Variants in ZNF829 observed in about 807,000 individuals in gnomAD.
ZNF829 encodes the protein zinc finger protein 829.
In ZNF829, 25 loss-of-function variants were observed where a neutral mutation model predicts 35.2. The observed-to-expected ratio is 0.71, with a 90% CI of 0.52 to 0.99. The LOEUF (loss-of-function observed/expected upper bound fraction) is 0.99. ZNF829 is among the 50% of genes least tolerant of loss of function. ZNF829 has a pLI of 0.00. For synonymous variants in ZNF829, 136 were observed against 163.2 expected (o/e 0.83, Z 1.27); for missense variants, 417 against 515.3 (o/e 0.81, Z 1.85).
chr19:36,909,186 C>G (rs1462133499), intron 3 of ZNF829, among the ~76,000 whole-genome samples: 1 of 152,092 alleles, frequency 6.6e-6, no homozygotes, highest in Admixed American at 6.5e-5. Context: ...CATCATCCGG[C>G]AGCAGACTGA....
In ZNF829 at chr19:36,891,867, G is replaced by A; in HGVS notation, c.924C>T (p.His308=). The A allele has an allele frequency of 6.2e-7, 1 of 1,614,016 alleles. No homozygotes were observed. Among genetic ancestry groups the A allele is most frequent in the Non-Finnish European group, 8.5e-7 (1 of 1,179,976 alleles). Reference sequence around the variant, plus strand: ...TTCTCTGATGCTGAATAAGCCTTGAGTGTTGAGTAAAGGCTTTCCCACATT... The same window carrying A: ...TTCTCTGATGCTGAATAAGCCTTGAATGTTGAGTAAAGGCTTTCCCACATT... ...CKECGKAFTQ[H]SRLIQHQRMH... The change falls in exon 6 of 6, where the codon CAC becomes CAT. Residue 308 remains histidine (H), a synonymous_variant. Coordinates refer to ENST00000391711, the MANE Select transcript of ZNF829 (RefSeq NM_001037232.4).
At chr19:36,909,222 AGTGAG>A (rs1425331584) in intron 3 of ZNF829, among the ~76,000 whole-genome samples, 1 of 152,208 alleles carries the variant, frequency 6.6e-6, no homozygotes, top group Non-Finnish European at 1.5e-5. Flanking sequence ...GAACAGAAGA[AGTGAG>A]GACTATAGGA....
rs370190247 is a variant in ZNF829, at chr19:36,891,616, C to A, written c.1175G>T (p.Gly392Val). 6 of 1,613,094 alleles carry A rather than the reference C, an allele frequency of 3.7e-6. No individual in the cohort carries two copies. In the African/African-American group the frequency reaches 8.0e-5, roughly 22 times the overall value. The change falls in exon 6 of 6, where the codon GGC becomes GTC. Residue 392 changes from glycine to valine, a missense_variant. By Grantham distance (109) the Gly-to-Val change is moderately radical. Coordinates refer to ENST00000391711, the MANE Select transcript of ZNF829 (RefSeq NM_001037232.4). ...CNECGKAFNK[G>V]SNLTRHQRIH... is the part of the protein sequence containing the mutation. The stretch of plus-strand genomic sequence containing the variant: ...TCTCTGATGTCGAGTAAGATTTGAG[C>A]CTTTATTAAAGGCCTTCCCACATTC...
At chr19:36,900,145 A>AAAACACACACAC (rs1489365490) in intron 5 of ZNF829, among the ~76,000 whole-genome samples, 1 of 120,446 alleles carries the variant, frequency 8.3e-6, no homozygotes, top group African/African-American at 3.3e-5. Context: ...GTCTCTACTA[A>AAAACACACACAC]ACACACACAC....
chr19:36,891,514 T>C lies in ZNF829; in HGVS notation c.1277A>G (p.His426Arg), dbSNP rs774705661. 3.8e-6 allele frequency: 6 copies of C among 1,569,370 alleles called. No individual in the cohort carries two copies. The highest frequency in any genetic ancestry group is 2.0e-5 in the Admixed American group (1 of 50,710). ...CATTCAACCAGTATGAATTCCCTCA[T>C]GGCGAATGAGGTCAGAGCGACTACC... Reference protein sequence around the residue: ...AFGSRSDLIRHEGIHTG With the variant: ...AFGSRSDLIRREGIHTG Residue 426 changes from histidine to arginine, a missense_variant, in exon 6 of 6, where the codon CAT becomes CGT. Transcript: ENST00000391711.
intron 3 of ZNF829, among the ~76,000 whole-genome samples, chr19:36,909,427 T>A (rs985282821): frequency 6.6e-6 from 1 of 152,122 alleles, no homozygotes; most frequent in Non-Finnish European, 1.5e-5. Flanking sequence ...CAGAATCTGG[T>A]GTTTTACTTG....
Position 36,908,374 on chromosome 19 carries a change from T to C in ZNF829, c.182A>G (p.Lys61Arg). ...CLDADQMNLY[K>R]EVMLENFSNL... ...GCTGAAATTCTCCAACATCACTTCTTTGTATAAATTCATCTGATCAGCGTC... is the reference window on the plus strand; with the variant it reads ...GCTGAAATTCTCCAACATCACTTCTCTGTATAAATTCATCTGATCAGCGTC... Residue 61 changes from lysine to arginine, a missense_variant, in exon 4 of 6, where the codon AAA (lysine) becomes AGA (arginine). Physicochemically the swap from Lys to Arg is conservative, Grantham distance 26. Transcript: ENST00000391711. 1 of 1,613,762 alleles carries C rather than the reference T, an allele frequency of 6.2e-7. No individual in the cohort carries two copies. Among genetic ancestry groups the C allele is most frequent in the African/African-American group, 1.3e-5 (1 of 75,024 alleles).
chr19:36,895,776 T>C (rs2073106114), intron 5 of ZNF829, among the ~76,000 whole-genome samples: 3 of 152,168 alleles, frequency 2.0e-5, no homozygotes, highest in African/African-American at 7.2e-5. Flanking sequence ...TATATAATGA[T>C]AAATGGGTCA....
intron 3 of ZNF829, among the ~76,000 whole-genome samples, chr19:36,910,876 G>A (rs970987426): frequency 3.3e-5 from 5 of 151,968 alleles, no homozygotes; most frequent in African/African-American, 9.7e-5. Flanking sequence ...GTGTCGTGGC[G>A]CATGCCTGTA....
intron 2 of ZNF829, 51 bp from the exon 3 acceptor site, chr19:36,915,073 T>G: frequency 4.3e-6 from 7 of 1,613,826 alleles, no homozygotes; most frequent in Non-Finnish European, 5.9e-6. Context: ...AGACACCAGG[T>G]TTTTCTTGGT....
chr19:36,891,854 G>C lies in ZNF829; in HGVS notation c.937C>G (p.Gln313Glu). The stretch of plus-strand genomic sequence containing the variant: ...TCACCAGTATGCATTCTCTGATGCT[G>C]AATAAGCCTTGAGTGTTGAGTAAAG... The part of the protein sequence containing the change: ...KAFTQHSRLI[Q>E]HQRMHTGEKP... The change falls in exon 6 of 6, where the codon CAG becomes GAG. Residue 313 changes from glutamine to glutamate, a missense_variant. Gln to Glu is a conservative substitution (Grantham distance 29). Coordinates refer to ENST00000391711, the MANE Select transcript of ZNF829 (RefSeq NM_001037232.4). 1 of 1,614,078 alleles carries C rather than the reference G, an allele frequency of 6.2e-7. No homozygotes were observed. Among genetic ancestry groups the C allele is most frequent in the Non-Finnish European group, 8.5e-7 (1 of 1,179,998 alleles).
At chr19:36,912,656 T>G (rs2073273483) in intron 3 of ZNF829, 1 of 152,222 alleles carries the variant, frequency 6.6e-6, no homozygotes, top group Non-Finnish European at 1.5e-5. Flanking sequence ...AAATATTTCC[T>G]GATTAAACAT....
In ZNF829 at chr19:36,892,345, G is replaced by GT; in HGVS notation, c.445dup (p.Thr149AsnfsTer4). ...TTCCCATGGTTTCTCTTCACTCATA[G>GT]TTTTTTGAGGTGGAATAAGAAATGT... On this transcript the variant is annotated frameshift_variant, in exon 6 of 6. Coordinates refer to ENST00000391711, the MANE Select transcript of ZNF829 (RefSeq NM_001037232.4). LOFTEE classifies it high-confidence loss of function. The GT allele has an allele frequency of 6.2e-7, 1 of 1,613,684 alleles. No homozygotes were observed. Among genetic ancestry groups the GT allele is most frequent in the Non-Finnish European group, 8.5e-7 (1 of 1,179,954 alleles).
chr19:36,907,087 C>CAAAAAAAAAAAAAA (rs1158970593), intron 5 of ZNF829: 1 of 23,724 alleles, frequency 4.2e-5, no homozygotes, highest in African/African-American at 1.7e-4. Flanking sequence ...GACTCCATCT[C>CAAAAAAAAAAAAAA]AAAAAAAAAA....
chr19:36,908,145 G>T, intron 4 of ZNF829, 121 bp from the exon 5 acceptor site: 1 of 1,175,168 alleles, frequency 8.5e-7, no homozygotes, highest in Non-Finnish European at 1.2e-6. Flanking sequence ...AGATGGAGAA[G>T]ATGAAGCTTC....
intron 5 of ZNF829, chr19:36,902,083 C>CA: frequency 2.5e-6 from 1 of 405,760 alleles, no homozygotes; most frequent in Non-Finnish European, 4.6e-6. Context: ...TTACCACTTT[C>CA]AAAAATCTAC....
chr19:36,891,665 C>T lies in ZNF829; in HGVS notation c.1126G>A (p.Asp376Asn). 1.2e-6 allele frequency: 2 copies of T among 1,613,276 alleles called. No individual in the cohort carries two copies. The highest frequency in any genetic ancestry group is 2.2e-5 in the South Asian group (2 of 90,998). Reference protein sequence around the residue: ...ELIQHQRIHTDEKPYECNECG... With the variant: ...ELIQHQRIHTNEKPYECNECG... ...TCATTACATTCATATGGTTTTTCATCTGTATGGATTCTCTGATGTTGAATA... is the reference window on the plus strand; with the variant it reads ...TCATTACATTCATATGGTTTTTCATTTGTATGGATTCTCTGATGTTGAATA... Residue 376 changes from aspartate (D) to asparagine (N), a missense_variant, in exon 6 of 6, where the codon GAT becomes AAT. Transcript: ENST00000391711.
At chr19:36,912,279 A>G (rs2073270713) in intron 3 of ZNF829, among the ~76,000 whole-genome samples, 1 of 152,250 alleles carries the variant, frequency 6.6e-6, no homozygotes, top group Non-Finnish European at 1.5e-5. Context: ...ATTTTGACTG[A>G]AAACAATCAA....
chr19:36,915,423 AAC>A (rs1362315210), intron 1 of ZNF829, among the ~76,000 whole-genome samples, 172 bp from the exon 2 acceptor site: 2 of 152,190 alleles, frequency 1.3e-5, no homozygotes, highest in Admixed American at 6.5e-5. Context: ...CACCATAGGA[AAC>A]ACACAATTAC....
Sources: gnomAD v4.1 joint callset for allele counts (sites outside exome capture counted in the v4.1 genomes callset) on GRCh38, gnomAD v4.1.1 for gene constraint, MANE v1.5 for transcripts, NCBI Gene and HGNC (gene_info 2026-07-23, HGNC 2026-07-21) for gene names.